Variants in ARHGEF4 observed in about 807,000 individuals in gnomAD.
ARHGEF4 encodes Rho guanine nucleotide exchange factor 4.
Under a neutral mutation model 162.0 loss-of-function variants are expected in ARHGEF4, and 119 were observed. The observed-to-expected ratio is 0.73, with a 90% confidence interval of 0.63 to 0.86. The LOEUF (loss-of-function observed/expected upper bound fraction) is 0.86. ARHGEF4 is among the 40% of genes least tolerant of loss of function. The probability of loss-of-function intolerance (pLI) is 0.00; values close to 1 mark genes in which losing one functional copy is unlikely to be tolerated. For synonymous variants in ARHGEF4, 1,014 were observed against 979.9 expected (o/e 1.03, Z -0.65); for missense variants, 2,488 against 2,456.0 (o/e 1.01, Z -0.28).
At chr2:130,984,416 C>T (rs1340486924) in intron 4 of ARHGEF4, among the ~76,000 whole-genome samples, 2 of 152,182 alleles carry the variant, frequency 1.3e-5, no homozygotes, top group African/African-American at 4.8e-5. Flanking sequence ...TATGGCCAGG[C>T]GCAGTGGCTC....
chr2:130,916,136 G>A lies in ARHGEF4; in HGVS notation c.2190G>A (p.Glu730=), dbSNP rs572977302. ...QAASEETPST[E]EPPGERLRGE... ...CTTCGGAAGAGACGCCGAGCACAGA[G>A]GAGCCCCCGGGAGAGAGACTGCGTG... The change falls in exon 2 of 14, where the codon GAG becomes GAA. Residue 730 remains glutamate (E), a synonymous_variant. Coordinates refer to ENST00000409359, the MANE Select transcript of ARHGEF4 (RefSeq NM_001367493.1). The A allele has an allele frequency of 1.1e-5, 17 of 1,549,362 alleles. No individual in the cohort carries two copies. The African/African-American group carries it at 2.2e-4, about 20-fold the overall frequency.
At chr2:130,851,293 C>T (rs919842724) in intron 1 of ARHGEF4, among the ~76,000 whole-genome samples, 33 of 152,238 alleles carry the variant, frequency 2.2e-4, no homozygotes, top group African/African-American at 8.0e-4. Flanking sequence ...GTGGCGCCAA[C>T]TGTCAGGAGG....
At chr2:130,994,378 T>C (rs1384847851) in intron 4 of ARHGEF4, among the ~76,000 whole-genome samples, 1 of 152,228 alleles carries the variant, frequency 6.6e-6, no homozygotes, top group Non-Finnish European at 1.5e-5. Context: ...CTTATTATTA[T>C]TTTAGTGTTT....
At chr2:130,944,381 G>A (rs1331627474) in intron 3 of ARHGEF4, among the ~76,000 whole-genome samples, 1 of 152,114 alleles carries the variant, frequency 6.6e-6, no homozygotes, top group Non-Finnish European at 1.5e-5. Context: ...TTCTCCTTCT[G>A]GAACTCTGAT....
chr2:131,025,459 T>C (rs1021143819), intron 4 of ARHGEF4, among the ~76,000 whole-genome samples: 2 of 152,170 alleles, frequency 1.3e-5, no homozygotes, highest in African/African-American at 4.8e-5. Context: ...GCTTTAACTG[T>C]TCCTGATGTT....
chr2:130,904,854 G>A (rs953700672), intron 1 of ARHGEF4, among the ~76,000 whole-genome samples: 10 of 152,276 alleles, frequency 6.6e-5, no homozygotes, highest in South Asian at 6.2e-4. Flanking sequence ...CAAGGTGGGT[G>A]CATCACTTGA....
At position 130,914,106 on chromosome 2, in the gene ARHGEF4, G is replaced by A; in HGVS notation, c.160G>A (p.Glu54Lys). The A allele has an allele frequency of 6.5e-7, 1 of 1,536,130 alleles. No homozygotes were observed. Among genetic ancestry groups the A allele is most frequent in the Non-Finnish European group, 8.7e-7 (1 of 1,146,926 alleles). The change falls in exon 2 of 14, where the codon GAA becomes AAA. Residue 54 changes from glutamate (E) to lysine (K), a missense_variant. This residue lies in a region of ARHGEF4 where 171 missense variants were observed against 169.4 expected (regional missense o/e 1.01). Transcript: ENST00000409359. Reference protein sequence around the residue: ...WNQQTDRDDSETLSQQSESGS... With the variant: ...WNQQTDRDDSKTLSQQSESGS... ...CCAGCAAACAGACCGCGATGATTCT[G>A]AAACGCTGTCCCAGCAGAGTGAAAG... is the stretch of plus-strand genomic sequence containing the variant.
chr2:130,837,028 C>G (rs3102150), intron 1 of ARHGEF4, 36 bp downstream of exon 1: 264,481 of 1,225,666 alleles, frequency 0.22, 31,857 homozygotes, highest in African/African-American at 0.48. Flanking sequence ...GGTCGGGCTC[C>G]CGGCGCCCTG....
chr2:131,024,714 A>ATGCTCTGGTGTTTACAGATGAAATAATAT (rs1558867006), intron 4 of ARHGEF4, among the ~76,000 whole-genome samples: 1 of 152,228 alleles, frequency 6.6e-6, no homozygotes, highest in Non-Finnish European at 1.5e-5. Context: ...TCAGAAACAT[A>ATGCTCTGGTGTTTACAGATGAAATAATAT]TGCTCTGGTG....
At chr2:131,000,763 C>T (rs1033497845) in intron 4 of ARHGEF4, among the ~76,000 whole-genome samples, 3 of 151,604 alleles carry the variant, frequency 2.0e-5, no homozygotes, top group Admixed American at 6.6e-5. Flanking sequence ...AATGTATAAA[C>T]CTTAAAATAT....
At chr2:131,039,416 A>T in intron 6 of ARHGEF4, 2 of 1,041,964 alleles carry the variant, frequency 1.9e-6, no homozygotes, top group Non-Finnish European at 2.3e-6. Flanking sequence ...AAGTTGAGGC[A>T]CGGTCAAGTT....
chr2:130,875,201 T>A (rs1027454367), intron 1 of ARHGEF4, among the ~76,000 whole-genome samples: 1 of 152,190 alleles, frequency 6.6e-6, no homozygotes, highest in Non-Finnish European at 1.5e-5. Flanking sequence ...CCATCAGCCT[T>A]ATTCTCTTGT....
At chr2:130,888,155 T>C (rs890980802) in intron 1 of ARHGEF4, among the ~76,000 whole-genome samples, 1 of 152,150 alleles carries the variant, frequency 6.6e-6, no homozygotes, top group Non-Finnish European at 1.5e-5. Flanking sequence ...TATTTTCTAT[T>C]TTTCTATCTT....
At chr2:130,844,283 G>A (rs1348170218) in intron 1 of ARHGEF4, among the ~76,000 whole-genome samples, 1 of 152,176 alleles carries the variant, frequency 6.6e-6, no homozygotes, top group East Asian at 1.9e-4. Context: ...TTGCCCATTG[G>A]CCCATCCCTG....
At chr2:130,875,757 A>G (rs1014731681) in intron 1 of ARHGEF4, among the ~76,000 whole-genome samples, 1 of 152,170 alleles carries the variant, frequency 6.6e-6, no homozygotes, top group Admixed American at 6.5e-5. Context: ...CTACCAAGAT[A>G]TTCCGCAAGT....
At chr2:131,003,504 C>T (rs1325283372) in intron 4 of ARHGEF4, among the ~76,000 whole-genome samples, 2 of 152,188 alleles carry the variant, frequency 1.3e-5, no homozygotes, top group East Asian at 1.9e-4. Context: ...TGGGAAGGCA[C>T]AATTCACTGG....
At chr2:130,930,703 A>G (rs944353123) in intron 2 of ARHGEF4, among the ~76,000 whole-genome samples, 1 of 152,248 alleles carries the variant, frequency 6.6e-6, no homozygotes, top group Non-Finnish European at 1.5e-5. Context: ...TGATCAAAAT[A>G]GAAGGCTAGA....
At chr2:130,873,529 G>A (rs974310312) in intron 1 of ARHGEF4, among the ~76,000 whole-genome samples, 2 of 151,048 alleles carry the variant, frequency 1.3e-5, no homozygotes, top group African/African-American at 4.9e-5. Context: ...GCAGGTTGCA[G>A]TGAGCCGAGA....
chr2:131,045,213 G>A (rs1384977813), intron 12 of ARHGEF4, among the ~76,000 whole-genome samples, 156 bp from the exon 13 acceptor site: 1 of 152,206 alleles, frequency 6.6e-6, no homozygotes, highest in Non-Finnish European at 1.5e-5. Context: ...GCCAAGGCAG[G>A]CTGACTGTGC....
Sources: gnomAD v4.1 joint callset for allele counts (sites outside exome capture counted in the v4.1 genomes callset) on GRCh38, gnomAD v4.1.1 for gene constraint, gnomAD v4.1.1 regional missense constraint, MANE v1.5 for transcripts, NCBI Gene and HGNC (gene_info 2026-07-23, HGNC 2026-07-21) for gene names.